METTL6: variants seen among roughly 807,000 people sequenced by gnomAD.
METTL6 encodes the protein tRNA N(3)-cytidine methyltransferase METTL6.
In METTL6, 22 loss-of-function variants were observed where a neutral mutation model predicts 26.4. The ratio of observed to expected loss-of-function variants is 0.83; its 90% confidence interval spans 0.59 to 1.19. The LOEUF (loss-of-function observed/expected upper bound fraction) is 1.19. Among genes scored for constraint, METTL6 ranks in the 50% most tolerant of loss-of-function variants. The pLI is 0.00. For missense variants in METTL6, 304 were observed against 324.8 expected (o/e 0.94, Z 0.49); for synonymous variants, 109 against 116.2 (o/e 0.94, Z 0.40).
At position 15,425,198 on chromosome 3, in the gene METTL6, G is replaced by C. The variant is rs553535494; in HGVS notation, c.226-109C>G. 9 of 1,155,042 alleles carry C rather than the reference G, an allele frequency of 7.8e-6. No homozygotes were observed. In the South Asian group the frequency reaches 1.2e-4, roughly 16 times the overall value. 71.5% of individuals were successfully genotyped at this position (1,155,042 alleles called of 1,614,324 possible). A position where few individuals can be genotyped will look rare whatever the true frequency, so the allele number is the denominator to read the frequency against. ...AGGTCTCCGACCCCATGGAGCAGAC[G>C]ATCAACAAGAGAACTAATAAGCAAA... On this transcript the variant is annotated intron_variant, in intron 2 of 5. Coordinates refer to ENST00000383790, the MANE Select transcript of METTL6 (RefSeq NM_152396.4).
chr3:15,408,395 A>G (rs1699858815), downstream of METTL6, among the ~76,000 whole-genome samples: 1 of 152,156 alleles, frequency 6.6e-6, no homozygotes, highest in African/African-American at 2.4e-5. Flanking sequence ...CGTGCCATAT[A>G]TATGTACTTC....
rs1699904462 is a variant in METTL6, at chr3:15,409,979, A to C, written c.*1277T>G. On this transcript the variant is annotated 3_prime_UTR_variant, in exon 6 of 6. Transcript: ENST00000383790. ...TGTCTGACATGTTGCCTGGGGGAAC[A>C]CTTACAGTCACATGAGTAATGACAA... Among the ~76,000 whole-genome samples, 1 of 152,218 alleles carries C rather than the reference A, an allele frequency of 6.6e-6. No homozygotes were observed. The highest frequency in any genetic ancestry group is 2.4e-5 in the African/African-American group (1 of 41,446).
chr3:15,407,256 G>T (rs1699828632), downstream of METTL6, among the ~76,000 whole-genome samples: 1 of 151,678 alleles, frequency 6.6e-6, no homozygotes, highest in Admixed American at 6.6e-5. Flanking sequence ...TTGGCCTCAT[G>T]TGATCTGCCC....
At chr3:15,399,104 G>C (rs988956149) in intron 6 of METTL6, among the ~76,000 whole-genome samples, 12 of 152,078 alleles carry the variant, frequency 7.9e-5, no homozygotes, top group Non-Finnish European at 4.4e-5. Context: ...TGCCATGACA[G>C]TTTACAAATG....
intron 4 of METTL6, chr3:15,415,437 A>G (rs936239661): frequency 6.7e-6 from 10 of 1,488,818 alleles, no homozygotes; most frequent in African/African-American, 2.8e-5. Flanking sequence ...GATTACAGGC[A>G]TGAAACACCA....
chr3:15,398,271 G>A (rs1053042239), intron 6 of METTL6, among the ~76,000 whole-genome samples: 3 of 151,858 alleles, frequency 2.0e-5, no homozygotes, highest in Non-Finnish European at 2.9e-5. Flanking sequence ...TTGGCTCACT[G>A]CAATCTTTGC....
chr3:15,422,892 T>C (rs2061639136), intron 3 of METTL6, among the ~76,000 whole-genome samples: 1 of 152,204 alleles, frequency 6.6e-6, no homozygotes, highest in Non-Finnish European at 1.5e-5. Flanking sequence ...CATTACCTAT[T>C]AAAGCATTTT....
chr3:15,411,454 A>G lies in METTL6; in HGVS notation c.674-17T>C, dbSNP rs1383798308. 6 of 1,610,480 alleles carry G rather than the reference A, an allele frequency of 3.7e-6. 1 individual carries two copies. The South Asian group carries it at 6.6e-5, about 18-fold the overall frequency. On this transcript the variant is annotated splice_polypyrimidine_tract_variant and intron_variant, in intron 5 of 5. Transcript: ENST00000383790. ...CCAGGAAGTCTGTAAGACAAGCATC[A>G]ACAATGCTCAACAGTCTTCATAACA...
intron 6 of METTL6, among the ~76,000 whole-genome samples, chr3:15,400,591 A>G (rs1441342705): frequency 1.3e-5 from 2 of 152,256 alleles, no homozygotes; most frequent in Non-Finnish European, 2.9e-5. Context: ...AGGTTGAAAT[A>G]GCATTTCTAG....
rs1240439157 is a variant in METTL6 at position 15,410,202 on chromosome 3, G to A, written c.*1054C>T. ...GTACATAGTAGCCCCCCGTATCTGC[G>A]GGTGGTATGTTTCAAGACCCCCAGT... is the stretch of plus-strand genomic sequence containing the variant. On this transcript the variant is annotated 3_prime_UTR_variant, in exon 6 of 6. Transcript: ENST00000383790. Among the ~76,000 whole-genome samples the A allele has an allele frequency of 3.9e-5, 6 of 152,086 alleles. 1 individual carries two copies. In the South Asian group the frequency reaches 8.3e-4, roughly 21 times the overall value.
chr3:15,414,400 G>C, intron 4 of METTL6: 1 of 1,155,826 alleles, frequency 8.7e-7, no homozygotes, highest in Non-Finnish European at 1.1e-6. Flanking sequence ...CTGTCGCCCA[G>C]GCTGGAGTGC....
intron 6 of METTL6, among the ~76,000 whole-genome samples, chr3:15,393,709 G>A (rs1458924059): frequency 6.6e-6 from 1 of 152,134 alleles, no homozygotes; most frequent in East Asian, 1.9e-4. Flanking sequence ...AGCATGAAGG[G>A]CTGCTGAATT....
chr3:15,406,629 T>TAGAGAGAGAG (rs1211289541), downstream of METTL6, among the ~76,000 whole-genome samples: 5 of 20,728 alleles, frequency 2.4e-4, no homozygotes, highest in Non-Finnish European at 2.4e-4. Flanking sequence ...TATATATATA[T>TAGAGAGAGAG]AGAGAGAGAG....
At chr3:15,406,617 TATATATATATATAGAG>T (rs1457558747), downstream of METTL6, among the ~76,000 whole-genome samples, 91 of 47,020 alleles carry the variant, frequency 1.9e-3, no homozygotes, top group East Asian at 6.7e-3. Context: ...TATATATATA[TATATATATATATAGAG>T]AGAGAGAGAG....
At chr3:15,390,529 G>T (rs1302838240) in intron 6 of METTL6, among the ~76,000 whole-genome samples, 2 of 152,176 alleles carry the variant, frequency 1.3e-5, no homozygotes, top group Admixed American at 6.5e-5. Context: ...ACTTGCAACT[G>T]GGGTGTGGCT....
Position 15,411,051 on chromosome 3 carries a change from C to A in METTL6, c.*205G>T, listed in dbSNP as rs1699943012. 4 of 495,354 alleles carry A rather than the reference C, an allele frequency of 8.1e-6. No homozygotes were observed. The highest frequency in any genetic ancestry group is 5.9e-5 in the African/African-American group (3 of 50,594). The allele number at this position is 495,354 out of a possible 1,614,324, so 30.7% of individuals were successfully genotyped here. On this transcript the variant is annotated 3_prime_UTR_variant, in exon 6 of 6. Coordinates refer to ENST00000383790, the MANE Select transcript of METTL6 (RefSeq NM_152396.4). The stretch of plus-strand genomic sequence containing the variant: ...GGGATTACAGGCACTCGCCACTATG[C>A]CCAGCTAATTTTTTTGTATTTTTAG...
chr3:15,420,585 T>C (rs1423024600), intron 3 of METTL6, among the ~76,000 whole-genome samples: 2 of 152,190 alleles, frequency 1.3e-5, no homozygotes. Context: ...GTGTTTACAG[T>C]GAGGCAAGAT....
chr3:15,413,684 G>T, intron 5 of METTL6: 1 of 1,226,034 alleles, frequency 8.2e-7, no homozygotes, highest in Admixed American at 3.4e-5. Flanking sequence ...TGTCAAATTT[G>T]CTTTATTTTT....
chr3:15,403,184 G>C (rs1413787976), intron 6 of METTL6, among the ~76,000 whole-genome samples: 4 of 152,140 alleles, frequency 2.6e-5, no homozygotes, highest in Non-Finnish European at 5.9e-5. Context: ...ATGTATCCCA[G>C]ATTGGTCTCC....
Sources: allele counts gnomAD v4.1 joint callset (sites outside exome capture counted in the v4.1 genomes callset), GRCh38; gene constraint gnomAD v4.1.1; transcripts MANE v1.5; gene names NCBI Gene and HGNC (gene_info 2026-07-23, HGNC 2026-07-21).